The following FRMD4A variants were observed in gnomAD, a reference collection of about 807,000 sequenced individuals.
The protein encoded by FRMD4A is FERM domain-containing protein 4A.
Under a neutral mutation model 129.1 loss-of-function variants are expected in FRMD4A, and 29 were observed. The observed-to-expected ratio is 0.22, with a 90% CI of 0.17 to 0.31. The LOEUF is 0.31. FRMD4A is among the 10% of genes least tolerant of loss of function. FRMD4A has a pLI of 1.00. For synonymous variants in FRMD4A, 634 were observed against 571.6 expected, an observed-to-expected ratio of 1.11 and a Z score of -1.56; for missense variants, 1,272 against 1,375.8, an observed-to-expected ratio of 0.92 and a Z score of 1.19.
chr10:14,116,228 G>T (rs1412569815), intron 2 of FRMD4A, among the ~76,000 whole-genome samples: 4 of 152,192 alleles, frequency 2.6e-5, no homozygotes, highest in African/African-American at 9.6e-5. Context: ...AGACCCGAAA[G>T]AAACACAGGG....
chr10:14,203,212 T>G (rs17154841), intron 2 of FRMD4A, among the ~76,000 whole-genome samples: 2,923 of 152,332 alleles, frequency 0.019, 69 homozygotes, highest in East Asian at 0.094. Flanking sequence ...ATTTAGATTT[T>G]TATTGCAGCA....
At chr10:13,968,551 C>G (rs2095498997) in intron 2 of FRMD4A, among the ~76,000 whole-genome samples, 1 of 152,348 alleles carries the variant, frequency 6.6e-6, no homozygotes, top group Admixed American at 6.5e-5. Context: ...CTCCTGGGTT[C>G]AAGCGATTCT....
chr10:13,755,662 C>T (rs1357194539), intron 8 of FRMD4A, among the ~76,000 whole-genome samples: 1 of 152,164 alleles, frequency 6.6e-6, no homozygotes, highest in Non-Finnish European at 1.5e-5. Flanking sequence ...ATGCATTGTT[C>T]TGTTTCTAAA....
At chr10:13,980,657 C>A (rs2095557361) in intron 2 of FRMD4A, among the ~76,000 whole-genome samples, 1 of 152,122 alleles carries the variant, frequency 6.6e-6, no homozygotes, top group African/African-American at 2.4e-5. Flanking sequence ...GAGTGAGAGG[C>A]TACAGTGAGC....
intron 3 of FRMD4A, among the ~76,000 whole-genome samples, chr10:13,823,228 C>T (rs1449387962): frequency 6.6e-6 from 1 of 152,132 alleles, no homozygotes; most frequent in African/African-American, 2.4e-5. Context: ...GGCTGGGGAG[C>T]CTGCTCTATT....
intron 2 of FRMD4A, among the ~76,000 whole-genome samples, chr10:13,927,153 A>C (rs577083990): frequency 6.6e-6 from 1 of 151,954 alleles, no homozygotes; most frequent in African/African-American, 2.4e-5. Context: ...GCTACTGGGG[A>C]GGTGGAGGCA....
intron 2 of FRMD4A, among the ~76,000 whole-genome samples, chr10:14,283,963 C>T (rs575779296): frequency 1.6e-4 from 25 of 152,066 alleles, no homozygotes; most frequent in African/African-American, 5.3e-4. Flanking sequence ...ATGAGGAAAT[C>T]GATACTTGAA....
chr10:13,660,314 A>C lies in FRMD4A; in HGVS notation c.1898+2T>G. 1 of 1,595,436 alleles carries C rather than the reference A, an allele frequency of 6.3e-7. No individual in the cohort carries two copies. ...TTTGGCCTCATTCACGATGCAGCTC[A>C]CCTGGAATGGCTGTGAGAGGAGCGC... On this transcript the variant is annotated splice_donor_variant, in intron 20 of 24. Transcript: ENST00000357447. LOFTEE classifies it high-confidence loss of function.
chr10:14,292,725 G>T (rs1204153542), intron 2 of FRMD4A, among the ~76,000 whole-genome samples: 1 of 152,104 alleles, frequency 6.6e-6, no homozygotes, highest in Non-Finnish European at 1.5e-5. Flanking sequence ...GTATGAACTC[G>T]GGAGGTGGAG....
chr10:13,975,588 C>T (rs528344521), intron 2 of FRMD4A, among the ~76,000 whole-genome samples: 1 of 150,714 alleles, frequency 6.6e-6, no homozygotes, highest in East Asian at 2.0e-4. Flanking sequence ...CTGTGAATCT[C>T]TGTGTGTGTC....
At chr10:13,918,216 A>G (rs989018923) in intron 2 of FRMD4A, among the ~76,000 whole-genome samples, 2 of 152,132 alleles carry the variant, frequency 1.3e-5, no homozygotes, top group Non-Finnish European at 2.9e-5. Flanking sequence ...TGGTCTGTTT[A>G]GTTCTCTGTT....
At chr10:14,137,021 A>G (rs1247080013) in intron 2 of FRMD4A, among the ~76,000 whole-genome samples, 1 of 152,132 alleles carries the variant, frequency 6.6e-6, no homozygotes, top group Non-Finnish European at 1.5e-5. Context: ...CTCCCCATCA[A>G]TTATTGTCGT....
At chr10:13,656,581 C>G in intron 22 of FRMD4A, 55 bp downstream of exon 22, 6 of 1,336,802 alleles carry the variant, frequency 4.5e-6, no homozygotes, top group Non-Finnish European at 5.8e-6. Context: ...CCCTTGACAC[C>G]GGCAAGCAGT....
At chr10:13,888,809 T>G (rs1214549254) in intron 2 of FRMD4A, among the ~76,000 whole-genome samples, 1 of 152,180 alleles carries the variant, frequency 6.6e-6, no homozygotes, top group East Asian at 1.9e-4. Context: ...TTAAAAGAAC[T>G]TCAAAAGCTG....
chr10:14,256,533 A>T (rs1844619015), intron 2 of FRMD4A, among the ~76,000 whole-genome samples: 1 of 152,236 alleles, frequency 6.6e-6, no homozygotes, highest in Non-Finnish European at 1.5e-5. Context: ...AAAGAATATA[A>T]GAGTGTAGTG....
chr10:13,908,638 C>G (rs918793950), intron 2 of FRMD4A, among the ~76,000 whole-genome samples: 2 of 152,182 alleles, frequency 1.3e-5, no homozygotes, highest in African/African-American at 4.8e-5. Context: ...TATTTACAAA[C>G]AGCCAGGGCC....
chr10:13,787,658 T>C (rs1485755348), intron 5 of FRMD4A, among the ~76,000 whole-genome samples: 7 of 151,924 alleles, frequency 4.6e-5, no homozygotes, highest in Non-Finnish European at 1.0e-4. Flanking sequence ...GGGGTCTCAC[T>C]ATGTTGCCCA....
intron 2 of FRMD4A, among the ~76,000 whole-genome samples, chr10:14,285,104 G>A (rs149323492): frequency 6.6e-6 from 1 of 152,310 alleles, no homozygotes; most frequent in African/African-American, 2.4e-5. Context: ...GTATGGAGTA[G>A]GGTTTAATGT....
chr10:14,152,003 C>T (rs777028025), intron 2 of FRMD4A, among the ~76,000 whole-genome samples: 3 of 150,858 alleles, frequency 2.0e-5, no homozygotes, highest in Admixed American at 6.6e-5. Flanking sequence ...GGGGAGGGGA[C>T]GTCACACAGC....
Sources: gnomAD v4.1 joint callset for allele counts (sites outside exome capture counted in the v4.1 genomes callset) on GRCh38, gnomAD v4.1.1 for gene constraint, MANE v1.5 for transcripts, NCBI Gene and HGNC (gene_info 2026-07-23, HGNC 2026-07-21) for gene names.